OPRM1: variants seen among roughly 807,000 people sequenced by gnomAD.
OPRM1 encodes the protein opioid receptor mu 1.
OPRM1 carries 27 observed loss-of-function variants against 31.8 expected under a neutral mutation model. The observed-to-expected ratio is 0.85, with a 90% CI of 0.63 to 1.17. The LOEUF is 1.17. Ranked by LOEUF, OPRM1 falls within the 50% of genes most tolerant of loss-of-function variation. The pLI is 0.00. For synonymous variants in OPRM1, 196 were observed against 189.9 expected, an observed-to-expected ratio of 1.03 and a Z score of -0.26; for missense variants, 536 against 511.1, an observed-to-expected ratio of 1.05 and a Z score of -0.47.
intron 3 of OPRM1, among the ~76,000 whole-genome samples, chr6:154,114,520 G>A (rs1451998803): frequency 1.3e-5 from 2 of 152,124 alleles, no homozygotes; most frequent in African/African-American, 4.8e-5. Context: ...GGAAATTCAC[G>A]TAGTACTGCA....
At chr6:154,169,357 T>TCACA (rs764937431) in intron 3 of OPRM1, among the ~76,000 whole-genome samples, 7 of 151,302 alleles carry the variant, frequency 4.6e-5, no homozygotes, top group Admixed American at 3.9e-4. Flanking sequence ...TGAGACTCTG[T>TCACA]CACACACACA....
chr6:154,039,720 G>T lies in OPRM1; in HGVS notation c.176G>T (p.Cys59Phe). ...RTDLGGRDSL[C>F]PPTGSPSMIT... ...GACCTGGGCGGGAGAGACAGCCTGT[G>T]CCCTCCGACCGGCAGTCCCTCCATG... The change falls in exon 1 of 4, where the codon TGC becomes TTC. Residue 59 changes from cysteine (C) to phenylalanine (F), a missense_variant. Physicochemically the swap from Cys to Phe is radical, Grantham distance 205 (BLOSUM62 -2). Coordinates refer to ENST00000330432, the MANE Select transcript of OPRM1 (RefSeq NM_000914.5). 6.2e-7 allele frequency: 1 copy of T among 1,612,170 alleles called. No individual in the cohort carries two copies.
Position 154,110,397 on chromosome 6 carries a change from C to T in OPRM1, c.1165-8286C>T, listed in dbSNP as rs985114991. On this transcript the variant is annotated intron_variant, in intron 3 of 3. Coordinates refer to ENST00000330432, the MANE Select transcript of OPRM1 (RefSeq NM_000914.5). ...AAAGTCATCTTTACTCAACTGTGAG[C>T]ATACCAAGGGCTAATAATTACAATA... The T allele has an allele frequency of 2.1e-5, 32 of 1,508,414 alleles. No homozygotes were observed. The African/African-American group carries it at 4.2e-4, about 20-fold the overall frequency. 93.4% of individuals were successfully genotyped at this position (1,508,414 alleles called of 1,614,324 possible).
At chr6:154,221,256 C>A in intron 3 of OPRM1, 1 of 1,613,172 alleles carries the variant, frequency 6.2e-7, no homozygotes, top group Non-Finnish European at 8.5e-7. Flanking sequence ...CCTCTACTTA[C>A]ACGTTCATTT....
rs548355204 is a variant in OPRM1, at chr6:154,082,124, C to T, written c.291-7702C>T. On this transcript the variant is annotated intron_variant, in intron 1 of 3. Coordinates refer to ENST00000330432, the MANE Select transcript of OPRM1 (RefSeq NM_000914.5). ...CTGGCACAGCAAAAACAAATATTCC[C>T]TCTTCAGTCTTACTTCAAAAATTGC... Among the ~76,000 whole-genome samples the T allele has an allele frequency of 2.0e-5, 3 of 152,138 alleles. No individual in the cohort carries two copies. The East Asian group carries it at 5.8e-4, about 29-fold the overall frequency.
At chr6:154,230,040 C>T (rs34503006) in intron 3 of OPRM1, among the ~76,000 whole-genome samples, 9,625 of 151,910 alleles carry the variant, frequency 0.063, 354 homozygotes, top group Non-Finnish European at 0.071. Flanking sequence ...GAAAGCAGGA[C>T]GGTGGTTGCC....
chr6:154,095,711 T>G (rs922118868), intron 3 of OPRM1, among the ~76,000 whole-genome samples: 5 of 152,192 alleles, frequency 3.3e-5, no homozygotes, highest in Non-Finnish European at 5.9e-5. Context: ...GTTTTTTTTG[T>G]GCATGCCTGG....
chr6:154,221,516 A>AT (rs1778855842), intron 3 of OPRM1, among the ~76,000 whole-genome samples: 1 of 152,216 alleles, frequency 6.6e-6, no homozygotes, highest in African/African-American at 2.4e-5. Context: ...CTAAGAGTCA[A>AT]TTTTTTATGT....
intron 3 of OPRM1, among the ~76,000 whole-genome samples, chr6:154,180,386 CTATATA>C (rs58975780): frequency 6.3e-4 from 56 of 88,320 alleles, no homozygotes; most frequent in Admixed American, 1.7e-3. Flanking sequence ...ACAACAACAA[CTATATA>C]TATATATATA....
Position 154,130,323 on chromosome 6 carries a change from A to C in OPRM1, c.*11602A>C, listed in dbSNP as rs507129. On this transcript the variant is annotated 3_prime_UTR_variant, in exon 4 of 4. Coordinates refer to ENST00000330432, the MANE Select transcript of OPRM1 (RefSeq NM_000914.5). ...AGCTGGGACTACAGGTGCCCGCCAC[A>C]ACACCTGGCTAATTTTTTGTATTTT... is the stretch of plus-strand genomic sequence containing the variant. Among the ~76,000 whole-genome samples the C allele has an allele frequency of 0.67, 101,035 of 151,480 alleles. 34,006 individuals are homozygous for C. Among genetic ancestry groups the C allele is most frequent in the East Asian group, 0.9 (4,645 of 5,152 alleles).
intron 3 of OPRM1, among the ~76,000 whole-genome samples, chr6:154,208,479 C>T (rs1777689377): frequency 6.6e-6 from 1 of 152,210 alleles, no homozygotes; most frequent in Non-Finnish European, 1.5e-5. Flanking sequence ...TCTGATGTAG[C>T]ATATATTTTC....
chr6:154,072,463 C>T (rs1354807981), intron 1 of OPRM1, among the ~76,000 whole-genome samples: 1 of 152,156 alleles, frequency 6.6e-6, no homozygotes, highest in Non-Finnish European at 1.5e-5. Context: ...ACAAGATTTG[C>T]TTTTATTCAA....
intron 3 of OPRM1, chr6:154,158,270 A>G (rs1391569235): frequency 3.3e-5 from 5 of 152,190 alleles, no homozygotes; most frequent in African/African-American, 1.2e-4. Context: ...ACGGGTAGGC[A>G]GGGCCAACAT....
intron 1 of OPRM1, among the ~76,000 whole-genome samples, chr6:154,076,969 A>G (rs113311529): frequency 1.5e-3 from 227 of 152,322 alleles, no homozygotes; most frequent in Admixed American, 2.4e-3. Context: ...AGAAATGAAA[A>G]TTATAAAACA....
At chr6:154,051,171 A>G (rs1310631253) in intron 1 of OPRM1, among the ~76,000 whole-genome samples, 1 of 152,238 alleles carries the variant, frequency 6.6e-6, no homozygotes, top group Non-Finnish European at 1.5e-5. Flanking sequence ...CTATAGCTAT[A>G]AAATCACAAC....
At chr6:154,099,116 C>G (rs533471372) in intron 3 of OPRM1, among the ~76,000 whole-genome samples, 34 of 151,882 alleles carry the variant, frequency 2.2e-4, no homozygotes, top group African/African-American at 8.0e-4. Flanking sequence ...TCGATCTCTG[C>G]AAAAAACAAA....
chr6:154,067,729 A>G (rs1158682995), intron 1 of OPRM1, among the ~76,000 whole-genome samples: 4 of 151,806 alleles, frequency 2.6e-5, no homozygotes, highest in African/African-American at 4.8e-5. Context: ...TGATTATTCT[A>G]TCCTTTGTTC....
rs7759974 is a variant in OPRM1 at position 154,091,839 on chromosome 6, A to C, written c.1164+367A>C. On this transcript the variant is annotated intron_variant, in intron 3 of 3. Transcript: ENST00000330432. ...TTATATAATTCATAGATGTTGCTGC[A>C]ATACCCCTCTTATTTCTCAAAAGCC... 2,389 of 1,006,276 alleles carry C rather than the reference A, an allele frequency of 2.4e-3. 47 individuals are homozygous for C. In the African/African-American group the frequency reaches 0.039, roughly 16 times the overall value. 62.3% of individuals were successfully genotyped at this position (1,006,276 alleles called of 1,614,324 possible). A position where few individuals can be genotyped will look rare whatever the true frequency, so the allele number is the denominator to read the frequency against.
At chr6:154,065,864 C>G (rs907923974) in intron 1 of OPRM1, among the ~76,000 whole-genome samples, 7 of 152,076 alleles carry the variant, frequency 4.6e-5, no homozygotes, top group African/African-American at 9.7e-5. Context: ...AGAGAAAAAG[C>G]TTTCAGCCTT....
Sources: allele counts gnomAD v4.1 joint callset (sites outside exome capture counted in the v4.1 genomes callset), GRCh38; gene constraint gnomAD v4.1.1; transcripts MANE v1.5; gene names NCBI Gene and HGNC (gene_info 2026-07-23, HGNC 2026-07-21).